The following TMEM67 variants were observed in gnomAD, a reference collection of about 807,000 sequenced individuals.
TMEM67 encodes the protein transmembrane protein 67, also known as meckelin.
A neutral mutation model predicts 136.6 loss-of-function variants in TMEM67; 124 were observed. That is an observed-to-expected ratio of 0.91 (90% CI 0.78 to 1.05). The LOEUF (loss-of-function observed/expected upper bound fraction) is 1.05. Ranked by LOEUF, TMEM67 falls within the 50% of genes least tolerant of loss-of-function variation. The probability of loss-of-function intolerance (pLI) is 0.00; values close to 1 mark genes in which losing one functional copy is unlikely to be tolerated. For missense variants in TMEM67, 1,107 were observed against 1,178.4 expected, an observed-to-expected ratio of 0.94 and a Z score of 0.89; for synonymous variants, 364 against 390.5, an observed-to-expected ratio of 0.93 and a Z score of 0.80.
chr8:93,763,191 A>G (rs904963570), intron 3 of TMEM67: 1 of 189,710 alleles, frequency 5.3e-6, no homozygotes, highest in East Asian at 1.6e-4. Context: ...TAGCCTCCCA[A>G]AGGGCTGGGA....
intron 14 of TMEM67, among the ~76,000 whole-genome samples, chr8:93,788,482 G>C (rs754160232): frequency 6.6e-6 from 1 of 152,188 alleles, no homozygotes; most frequent in Admixed American, 6.5e-5. Flanking sequence ...AGGATCACTT[G>C]AACCTGGGAG....
chr8:93,762,644 G>C (rs1326520237), intron 3 of TMEM67, among the ~76,000 whole-genome samples: 1 of 151,272 alleles, frequency 6.6e-6, no homozygotes, highest in African/African-American at 2.4e-5. Context: ...CACGGTATTT[G>C]GGGGGTGTAT....
At position 93,782,408 on chromosome 8, in the gene TMEM67, C is replaced by T; in HGVS notation, c.1079C>T (p.Thr360Ile). The T allele has an allele frequency of 6.2e-7, 1 of 1,612,826 alleles. No homozygotes were observed. Among genetic ancestry groups the T allele is most frequent in the Non-Finnish European group, 8.5e-7 (1 of 1,179,302 alleles). Residue 360 changes from threonine (T) to isoleucine (I), a missense_variant, in exon 11 of 28, where the codon ACA (threonine) becomes ATA (isoleucine). Around this residue, in one of 3 missense-constraint regions of TMEM67, gnomAD observed 925 missense variants for 1,002.4 expected, o/e 0.92. Coordinates refer to ENST00000453321, the MANE Select transcript of TMEM67 (RefSeq NM_153704.6). ...EGGVLQLCPD[T>I]ETRLNAAYSF... ...ATTTTGCTGCAGCTTTGTCCAGACA[C>T]AGAGACAAGGCTAAATGCTGCTTAT...
Position 93,809,886 on chromosome 8 carries a change from T to G in TMEM67, c.2763T>G (p.Asn921Lys), listed in dbSNP as rs1343091952. 2.5e-6 allele frequency: 4 copies of G among 1,572,286 alleles called. No homozygotes were observed. In the African/African-American group the frequency reaches 5.4e-5, roughly 21 times the overall value. Residue 921 changes from asparagine (N) to lysine (K), a missense_variant and splice_region_variant, in exon 26 of 28, where the codon AAT (asparagine) becomes AAG (lysine). Around this residue, in one of 3 missense-constraint regions of TMEM67, gnomAD observed 925 missense variants for 1,002.4 expected, o/e 0.92. Coordinates refer to ENST00000453321, the MANE Select transcript of TMEM67 (RefSeq NM_153704.6). Reference protein sequence around the residue: ...MEPMEKSIFYNDEGYSFSSVL... With the variant: ...MEPMEKSIFYKDEGYSFSSVL... Reference sequence around the variant, plus strand: ...CAATGGAAAAAAGCATCTTTTACAATGGTATCTTCTAAATCCCTTTGTAGA... The same window carrying G: ...CAATGGAAAAAAGCATCTTTTACAAGGGTATCTTCTAAATCCCTTTGTAGA...
chr8:93,815,508 T>C, intron 27 of TMEM67, 61 bp downstream of exon 27: 1 of 1,462,984 alleles, frequency 6.8e-7, no homozygotes, highest in Non-Finnish European at 9.5e-7. Context: ...ATGTTAGAAG[T>C]AGATATTTTC....
intron 7 of TMEM67, 62 bp downstream of exon 7, chr8:93,772,713 C>A: frequency 1.5e-6 from 2 of 1,298,232 alleles, no homozygotes; most frequent in South Asian, 1.3e-5. Flanking sequence ...ATTTATTTAC[C>A]CAGATAATAA....
At chr8:93,801,347 GC>G (rs1814860762) in intron 21 of TMEM67, among the ~76,000 whole-genome samples, 1 of 151,202 alleles carries the variant, frequency 6.6e-6, no homozygotes, top group Non-Finnish European at 1.5e-5. Flanking sequence ...CAATCCTCCT[GC>G]CTCAGCCTCC....
intron 1 of TMEM67, 61 bp downstream of exon 1, chr8:93,755,198 T>C (rs142873030): frequency 6.9e-7 from 1 of 1,446,186 alleles, no homozygotes; most frequent in African/African-American, 1.4e-5. Flanking sequence ...CGGCCCCTAG[T>C]CCCCGTAAAT....
intron 16 of TMEM67, among the ~76,000 whole-genome samples, chr8:93,793,676 G>A (rs967520182): frequency 1.3e-4 from 19 of 151,964 alleles, no homozygotes; most frequent in African/African-American, 4.4e-4. Context: ...TGAACTGCCT[G>A]TTTATATCCC....
chr8:93,780,582 T>G lies in TMEM67; in HGVS notation c.715-11T>G, dbSNP rs780623994. 1 of 1,614,076 alleles carries G rather than the reference T, an allele frequency of 6.2e-7. No homozygotes were observed. Among genetic ancestry groups the G allele is most frequent in the African/African-American group, 1.3e-5 (1 of 75,060 alleles). ...TTCATGTTACTTTTCTTTGCCATTG[T>G]TCTGTTGTAGGTATATGCCAATCTA... On this transcript the variant is annotated splice_polypyrimidine_tract_variant and intron_variant, in intron 7 of 27. Transcript: ENST00000453321.
At chr8:93,765,311 A>G in intron 4 of TMEM67, 95 bp from the exon 5 acceptor site, 1 of 943,580 alleles carries the variant, frequency 1.1e-6, no homozygotes, top group Non-Finnish European at 1.7e-6. Context: ...TACTGAATGA[A>G]TCTACTCTAA....
At chr8:93,800,513 A>G (rs1252740843) in intron 21 of TMEM67, among the ~76,000 whole-genome samples, 2 of 152,188 alleles carry the variant, frequency 1.3e-5, no homozygotes, top group Non-Finnish European at 2.9e-5. Context: ...CCAACATACT[A>G]TAAGGACAAT....
intron 3 of TMEM67, chr8:93,763,005 C>A: frequency 2.6e-6 from 1 of 391,168 alleles, no homozygotes; most frequent in South Asian, 1.8e-5. Context: ...TCACTGCAAC[C>A]TCCACCTACC....
rs1400045897 is a variant in TMEM67, at chr8:93,816,377, TA to T, written c.2914del (p.Arg972AspfsTer7). 6.6e-7 allele frequency: 1 copy of T among 1,518,382 alleles called. No homozygotes were observed. The allele number at this position is 1,518,382 out of a possible 1,614,324, so 94.1% of individuals were successfully genotyped here. ...FLTYLQQEIF[R>X]YIRNTVGQKN... ...GAATTGTTTTAATTTTCCAGATTTT[TA>T]GATATATCCGTAATACAGTAGGACA... On this transcript the variant is annotated frameshift_variant, in exon 28 of 28. Transcript: ENST00000453321. LOFTEE classifies it high-confidence loss of function.
the TMEM67 span, among the ~76,000 whole-genome samples, chr8:93,828,971 CATTAT>C: frequency 7.2e-5 from 11 of 152,102 alleles, no homozygotes; most frequent in Middle Eastern, 3.4e-3. Flanking sequence ...TTTCTTGTAA[CATTAT>C]GTGTATATTA....
At chr8:93,797,614 C>A in intron 20 of TMEM67, 144 bp downstream of exon 20, 1 of 761,914 alleles carries the variant, frequency 1.3e-6, no homozygotes, top group South Asian at 1.7e-5. Context: ...AAAGGAGTAC[C>A]TTTATGTTAC....
At chr8:93,763,233 C>A (rs1372673669) in intron 3 of TMEM67, among the ~76,000 whole-genome samples, 1 of 152,124 alleles carries the variant, frequency 6.6e-6, no homozygotes, top group African/African-American at 2.4e-5. Context: ...CCTGGCCTTA[C>A]CTGATTCTTT....
chr8:93,802,457 A>G (rs1462506726), intron 21 of TMEM67, among the ~76,000 whole-genome samples: 1 of 152,206 alleles, frequency 6.6e-6, no homozygotes, highest in African/African-American at 2.4e-5. Context: ...GCACCTAGCA[A>G]TCTCAGACAC....
intron 21 of TMEM67, among the ~76,000 whole-genome samples, chr8:93,801,700 T>C (rs1814879255): frequency 6.6e-6 from 1 of 152,078 alleles, no homozygotes; most frequent in Non-Finnish European, 1.5e-5. Flanking sequence ...GATTGAAATA[T>C]TTTTAAGAGA....
Sources: gnomAD v4.1 joint callset for allele counts (sites outside exome capture counted in the v4.1 genomes callset) on GRCh38, gnomAD v4.1.1 for gene constraint, gnomAD v4.1.1 regional missense constraint, MANE v1.5 for transcripts, NCBI Gene and HGNC (gene_info 2026-07-23, HGNC 2026-07-21) for gene names.